Variants in TM7SF3 observed in about 807,000 individuals in gnomAD.
TM7SF3 encodes transmembrane 7 superfamily member 3, also known as seven span transmembrane protein.
In TM7SF3, 60 loss-of-function variants were observed where a neutral mutation model predicts 65.5. The ratio of observed to expected loss-of-function variants is 0.92; its 90% CI spans 0.74 to 1.14. The LOEUF (loss-of-function observed/expected upper bound fraction) is 1.14, where lower values mean the gene tolerates loss of function less well. Ranked by LOEUF, TM7SF3 falls within the 50% of genes most tolerant of loss-of-function variation. The pLI is 0.00. For synonymous variants in TM7SF3, 264 were observed against 259.6 expected, an observed-to-expected ratio of 1.02 and a Z score of -0.16; for missense variants, 623 against 684.8, an observed-to-expected ratio of 0.91 and a Z score of 1.01.
At position 26,999,541 on chromosome 12, in the gene TM7SF3, A is replaced by G. The variant is rs866977190; in HGVS notation, c.382T>C (p.Ser128Pro). The change falls in exon 3 of 12, where the codon TCC becomes CCC. Residue 128 changes from serine (S) to proline (P), a missense_variant. Physicochemically the swap from Ser to Pro is moderately conservative, Grantham distance 74 (BLOSUM62 -1). Transcript: ENST00000343028. ...GAAGGGTTACCTCTTTCTGAGTAGGAGAGTAGGATAGCCATATTCTGGACA... is the reference window on the plus strand; with the variant it reads ...GAAGGGTTACCTCTTTCTGAGTAGGGGAGTAGGATAGCCATATTCTGGACA... ...QPVQNMAILL[S>P]YSERDPVPGG... is the part of the protein sequence containing the mutation. 6.2e-7 allele frequency: 1 copy of G among 1,613,882 alleles called. No individual in the cohort carries two copies. The highest frequency in any genetic ancestry group is 1.3e-5 in the African/African-American group (1 of 75,048).
Position 26,976,308 on chromosome 12 carries a change from A to G in TM7SF3, c.1239T>C (p.Ser413=). ...CTACTGGAATGAGGATAGCTATGCA[A>G]GAGAAAGTGACCCAGAATACACCAT... ...HDDGVFWVTF[S]CIAILIPVVF... is the part of the protein sequence containing the mutation. The change falls in exon 10 of 12, where the codon TCT becomes TCC. Residue 413 remains serine (S), a synonymous_variant. Coordinates refer to ENST00000343028, the MANE Select transcript of TM7SF3 (RefSeq NM_016551.3). 6.2e-7 allele frequency: 1 copy of G among 1,614,082 alleles called. No individual in the cohort carries two copies. The highest frequency in any genetic ancestry group is 8.5e-7 in the Non-Finnish European group (1 of 1,179,984).
chr12:26,997,804 G>C (rs1940658968), intron 3 of TM7SF3, among the ~76,000 whole-genome samples: 1 of 148,288 alleles, frequency 6.7e-6, no homozygotes, highest in African/African-American at 2.5e-5. Context: ...CCTCTCCGTA[G>C]ACTGTAACTT....
intron 9 of TM7SF3, among the ~76,000 whole-genome samples, chr12:26,977,636 C>T (rs1939623194): frequency 6.6e-6 from 1 of 152,088 alleles, no homozygotes; most frequent in South Asian, 2.1e-4. Context: ...TGCCTATAAT[C>T]CCAGCTACTC....
chr12:26,995,515 T>C (rs961641128), intron 4 of TM7SF3, 107 bp from the exon 5 acceptor site: 3 of 1,192,148 alleles, frequency 2.5e-6, no homozygotes, highest in Non-Finnish European at 3.6e-6. Context: ...ATAATTACAA[T>C]TTAACAGTTC....
intron 6 of TM7SF3, among the ~76,000 whole-genome samples, chr12:26,989,466 T>C (rs1436504779): frequency 6.6e-6 from 1 of 151,750 alleles, no homozygotes; most frequent in African/African-American, 2.4e-5. Context: ...TATACACAGG[T>C]TTTCAACTGC....
Position 26,979,889 on chromosome 12 carries a change from A to G in TM7SF3, c.1084T>C (p.Leu362=), listed in dbSNP as rs772440936. 1.9e-6 allele frequency: 3 copies of G among 1,614,082 alleles called. No homozygotes were observed. The highest frequency in any genetic ancestry group is 2.7e-5 in the African/African-American group (2 of 74,938). The change falls in exon 9 of 12, where the codon TTG becomes CTG. Residue 362 remains leucine (L), a synonymous_variant. Coordinates refer to ENST00000343028, the MANE Select transcript of TM7SF3 (RefSeq NM_016551.3). ...AVTGSVGGMF[L]VAVWWRFGIL... ...CCAAATCGCCACCACACAGCTACCA[A>G]GAACATTCCACCGACGCTTCCAGTG...
At chr12:27,004,526 A>G (rs1348345673) in intron 1 of TM7SF3, among the ~76,000 whole-genome samples, 1 of 152,210 alleles carries the variant, frequency 6.6e-6, no homozygotes, top group East Asian at 1.9e-4. Flanking sequence ...AAATAACTTA[A>G]TAACACATTC....
At position 26,995,428 on chromosome 12, in the gene TM7SF3, T is replaced by C. The variant is rs1211701304; in HGVS notation, c.519-20A>G. On this transcript the variant is annotated intron_variant, in intron 4 of 11. Coordinates refer to ENST00000343028, the MANE Select transcript of TM7SF3 (RefSeq NM_016551.3). The stretch of plus-strand genomic sequence containing the variant: ...ACGCCTCTAAAGTCAACCAACAAAA[T>C]GAAACATCAGTCTCTTGTGGTGCAA... The C allele has an allele frequency of 6.2e-7, 1 of 1,613,710 alleles. No individual in the cohort carries two copies. The highest frequency in any genetic ancestry group is 1.1e-5 in the South Asian group (1 of 90,998).
intron 6 of TM7SF3, chr12:26,983,741 T>C (rs1939919573): frequency 3.6e-6 from 1 of 279,366 alleles, no homozygotes; most frequent in Middle Eastern, 9.6e-4. Context: ...TTATTTATTA[T>C]AATATTTATT....
chr12:27,001,740 C>A (rs749842680), intron 2 of TM7SF3, among the ~76,000 whole-genome samples: 151 of 152,112 alleles, frequency 9.9e-4, no homozygotes, highest in Non-Finnish European at 1.9e-3. Flanking sequence ...GAAGAAAGAA[C>A]TCATCTATGT....
At chr12:27,010,073 C>T (rs945018588) in intron 1 of TM7SF3, among the ~76,000 whole-genome samples, 27 of 152,296 alleles carry the variant, frequency 1.8e-4, no homozygotes, top group African/African-American at 6.3e-4. Context: ...TTAAATGATG[C>T]CTGAACTATG....
At chr12:26,986,248 T>C (rs532731734) in intron 6 of TM7SF3, among the ~76,000 whole-genome samples, 63 of 152,258 alleles carry the variant, frequency 4.1e-4, no homozygotes, top group African/African-American at 1.4e-3. Flanking sequence ...CTATGCTTGA[T>C]ATCAAATCAC....
chr12:26,996,994 G>A, intron 3 of TM7SF3, 132 bp from the exon 4 acceptor site: 1 of 982,732 alleles, frequency 1.0e-6, no homozygotes, highest in South Asian at 1.8e-5. Context: ...AGAGCTTCTA[G>A]TCGTATACTA....
rs1252827787 is a variant in TM7SF3 at position 26,982,828 on chromosome 12, A to G, written c.900T>C (p.Leu300=). 1 of 1,609,874 alleles carries G rather than the reference A, an allele frequency of 6.2e-7. No homozygotes were observed. Among genetic ancestry groups the G allele is most frequent in the Non-Finnish European group, 8.5e-7 (1 of 1,178,754 alleles). ...AAATGAAGAAACCAAGCAGGGCAAA[A>G]AGAGTGAAGAACACTTTGGAAGACA... ...GRVSSKVFFT[L]FALLGFFICF... is the part of the protein sequence containing the mutation. Residue 300 remains leucine (L), a synonymous_variant, in exon 7 of 12, where the codon CTT becomes CTC. Transcript: ENST00000343028.
At chr12:27,013,862 C>T (rs935711977) in intron 1 of TM7SF3, among the ~76,000 whole-genome samples, 1 of 152,168 alleles carries the variant, frequency 6.6e-6, no homozygotes, top group African/African-American at 2.4e-5. Flanking sequence ...CCCATTTCCT[C>T]CGCTAAATGA....
chr12:26,977,882 T>G (rs2136378009), intron 9 of TM7SF3: 1 of 278,806 alleles, frequency 3.6e-6, no homozygotes, highest in Non-Finnish European at 7.2e-6. Flanking sequence ...GTGGGAGGAC[T>G]GCCTGAGCCC....
chr12:26,979,534 A>G, intron 9 of TM7SF3: 3 of 478,362 alleles, frequency 6.3e-6, no homozygotes, highest in Non-Finnish European at 1.1e-5. Context: ...ATAAACACAT[A>G]CCACTTATCA....
chr12:26,992,155 T>C (rs1940394274), intron 5 of TM7SF3, among the ~76,000 whole-genome samples: 2 of 152,204 alleles, frequency 1.3e-5, no homozygotes, highest in South Asian at 2.1e-4. Context: ...ATGCATTTAA[T>C]GTACCTCACC....
rs1342232808 is a variant in TM7SF3, at chr12:26,971,647, T to A, written c.*2318A>T. On this transcript the variant is annotated 3_prime_UTR_variant, in exon 12 of 12. Coordinates refer to ENST00000343028, the MANE Select transcript of TM7SF3 (RefSeq NM_016551.3). ...TTTATCACTCACAAATGATGAAAAA[T>A]TTTAAACAATTAGTATCCTCCCTCC... The A allele has an allele frequency of 6.6e-6, 1 of 152,140 alleles. No homozygotes were observed. The highest frequency in any genetic ancestry group is 6.5e-5 in the Admixed American group (1 of 15,284). The allele number at this position is 152,140 out of a possible 1,614,324, so 9.4% of individuals were successfully genotyped here. A position where few individuals can be genotyped will look rare whatever the true frequency, so the allele number is the denominator to read the frequency against.
Sources: allele counts gnomAD v4.1 joint callset (sites outside exome capture counted in the v4.1 genomes callset), GRCh38; gene constraint gnomAD v4.1.1; transcripts MANE v1.5; gene names NCBI Gene and HGNC (gene_info 2026-07-23, HGNC 2026-07-21).